Variants in NELL1 observed in about 807,000 individuals in gnomAD.
The protein encoded by NELL1 is neural EGFL like 1.
A neutral mutation model predicts 107.4 loss-of-function variants in NELL1; 76 were observed. The observed-to-expected ratio is 0.71, with a 90% CI of 0.59 to 0.86. The LOEUF (loss-of-function observed/expected upper bound fraction) is 0.86. Ranked by LOEUF, NELL1 falls within the 40% of genes least tolerant of loss-of-function variation. The probability of loss-of-function intolerance (pLI) is 0.00; values close to 1 mark genes in which losing one functional copy is unlikely to be tolerated. For synonymous variants in NELL1, 353 were observed against 341.2 expected (o/e 1.03, Z -0.38); for missense variants, 1,024 against 1,005.5 (o/e 1.02, Z -0.25).
chr11:21,566,601 A>G (rs954346805), intron 17 of NELL1, among the ~76,000 whole-genome samples: 2 of 151,904 alleles, frequency 1.3e-5, no homozygotes, highest in African/African-American at 4.8e-5. Flanking sequence ...GATTGCAAAA[A>G]TACATCTTTG....
At chr11:21,108,795 A>G (rs886723156) in intron 12 of NELL1, among the ~76,000 whole-genome samples, 2 of 152,136 alleles carry the variant, frequency 1.3e-5, no homozygotes, top group Admixed American at 1.3e-4. Context: ...CCAAGGAAGC[A>G]GTGATGCACG....
chr11:21,230,921 A>G (rs1565122087), intron 14 of NELL1, among the ~76,000 whole-genome samples: 1 of 152,212 alleles, frequency 6.6e-6, no homozygotes, highest in Non-Finnish European at 1.5e-5. Context: ...GCACAGGTTC[A>G]TGAAGAGGGG....
chr11:20,750,049 A>G (rs1210568788), intron 2 of NELL1, among the ~76,000 whole-genome samples: 1 of 152,160 alleles, frequency 6.6e-6, no homozygotes, highest in African/African-American at 2.4e-5. Context: ...TTATTTTACA[A>G]TCCTATCATT....
chr11:20,900,945 G>A (rs1849859137), intron 5 of NELL1, among the ~76,000 whole-genome samples: 2 of 152,014 alleles, frequency 1.3e-5, no homozygotes, highest in Non-Finnish European at 2.9e-5. Context: ...AAAATTCTTA[G>A]CAAACTAGAA....
chr11:21,072,074 G>T (rs978605339), intron 12 of NELL1, among the ~76,000 whole-genome samples: 6 of 152,052 alleles, frequency 3.9e-5, no homozygotes, highest in African/African-American at 7.2e-5. Flanking sequence ...ATGCAGAAGA[G>T]AATAAATTTA....
intron 12 of NELL1, among the ~76,000 whole-genome samples, chr11:21,010,608 G>A (rs187177400): frequency 2.6e-5 from 4 of 152,028 alleles, no homozygotes; most frequent in Non-Finnish European, 4.4e-5. Context: ...GGTAATACTC[G>A]CTGTCTAGAA....
chr11:21,013,236 C>G (rs983437097), intron 12 of NELL1, among the ~76,000 whole-genome samples: 4 of 152,124 alleles, frequency 2.6e-5, no homozygotes, highest in African/African-American at 9.7e-5. Context: ...CATCGTGGCC[C>G]TCTTTTTGAC....
chr11:21,414,706 G>A (rs1056539273), intron 15 of NELL1, among the ~76,000 whole-genome samples: 1 of 152,022 alleles, frequency 6.6e-6, no homozygotes, highest in African/African-American at 2.4e-5. Flanking sequence ...GGGTTTCTAA[G>A]TACATTTTAG....
chr11:20,742,893 G>A (rs1402737998), intron 2 of NELL1, among the ~76,000 whole-genome samples: 2 of 152,124 alleles, frequency 1.3e-5, no homozygotes, highest in Non-Finnish European at 1.5e-5. Flanking sequence ...AGGTAGGGGA[G>A]GGAAGAGCTC....
chr11:21,095,527 AAG>A (rs1854620465), intron 12 of NELL1, among the ~76,000 whole-genome samples: 1 of 152,208 alleles, frequency 6.6e-6, no homozygotes, highest in Admixed American at 6.5e-5. Flanking sequence ...TTAAAAAAGA[AAG>A]AGGTTTAATT....
chr11:21,533,296 C>A (rs1211055096), intron 15 of NELL1, among the ~76,000 whole-genome samples: 2 of 152,144 alleles, frequency 1.3e-5, no homozygotes, highest in Non-Finnish European at 2.9e-5. Flanking sequence ...TAGCTGATTG[C>A]CCCTGAACTG....
intron 3 of NELL1, 92 bp from the exon 4 acceptor site, chr11:20,847,491 G>A (rs1170454079): frequency 1.5e-6 from 2 of 1,319,182 alleles, no homozygotes; most frequent in Non-Finnish European, 2.1e-6. Flanking sequence ...ATTTTAGATT[G>A]TGAGAGACCT....
intron 2 of NELL1, among the ~76,000 whole-genome samples, chr11:20,751,438 T>C (rs961635899): frequency 6.6e-6 from 1 of 152,166 alleles, no homozygotes; most frequent in African/African-American, 2.4e-5. Flanking sequence ...CATTGTTTTG[T>C]AGTTTTTAGT....
In NELL1 at chr11:20,928,402, T is replaced by C; in HGVS notation, c.920T>C (p.Met307Thr). 2 of 1,614,042 alleles carry C rather than the reference T, an allele frequency of 1.2e-6. No homozygotes were observed. The highest frequency in any genetic ancestry group is 1.7e-6 in the Non-Finnish European group (2 of 1,179,954). The change falls in exon 9 of 20, where the codon ATG (methionine) becomes ACG (threonine). Residue 307 changes from methionine to threonine, a missense_variant. Coordinates refer to ENST00000357134, the MANE Select transcript of NELL1 (RefSeq NM_006157.5). ...AGTGGTGCCGTGGAATGCCGAAGGA[T>C]GTCCTGTCCCCCTCTCAATTGCTCC... Reference protein sequence around the residue: ...CKSGAVECRRMSCPPLNCSPD... With the variant: ...CKSGAVECRRTSCPPLNCSPD...
chr11:21,128,736 T>C (rs1292467906), intron 13 of NELL1, among the ~76,000 whole-genome samples: 1 of 152,160 alleles, frequency 6.6e-6, no homozygotes, highest in East Asian at 1.9e-4. Flanking sequence ...AGTGTGGTAG[T>C]AAATGACTGT....
chr11:21,131,543 G>A (rs928596291), intron 13 of NELL1, among the ~76,000 whole-genome samples: 1 of 152,270 alleles, frequency 6.6e-6, no homozygotes, highest in Non-Finnish European at 1.5e-5. Flanking sequence ...AAGTGCTGAC[G>A]TCTTTGAAGC....
intron 12 of NELL1, among the ~76,000 whole-genome samples, chr11:21,112,369 G>A (rs1436311739): frequency 2.0e-5 from 3 of 151,948 alleles, no homozygotes; most frequent in Non-Finnish European, 2.9e-5. Flanking sequence ...GTGACTCAAT[G>A]TAGCCATTTT....
intron 15 of NELL1, among the ~76,000 whole-genome samples, chr11:21,496,946 G>T (rs1205503000): frequency 2.0e-5 from 3 of 151,994 alleles, no homozygotes; most frequent in African/African-American, 7.3e-5. Flanking sequence ...TCCCTACAAA[G>T]GACATGAACT....
rs1455068201 is a variant in NELL1, at chr11:21,103,376, T to C, written c.1301-10213T>C. On this transcript the variant is annotated intron_variant, in intron 12 of 19. Coordinates refer to ENST00000357134, the MANE Select transcript of NELL1 (RefSeq NM_006157.5). The stretch of plus-strand genomic sequence containing the variant: ...ATTAACCAAGAAATGTGAATACTTT[T>C]AAAGGGGAAGCTAAGTTTGCCTTGT... Among the ~76,000 whole-genome samples the C allele has an allele frequency of 1.3e-5, 2 of 152,146 alleles. 1 individual carries two copies. The highest frequency in any genetic ancestry group is 2.9e-5 in the Non-Finnish European group (2 of 68,018).
Sources: allele counts gnomAD v4.1 joint callset (sites outside exome capture counted in the v4.1 genomes callset), GRCh38; gene constraint gnomAD v4.1.1; transcripts MANE v1.5; gene names NCBI Gene and HGNC (gene_info 2026-07-23, HGNC 2026-07-21).